Variants in RIPOR2 observed in about 807,000 individuals in gnomAD.
RIPOR2 encodes rho family-interacting cell polarization regulator 2.
RIPOR2 carries 39 observed loss-of-function variants against 114.5 expected under a neutral mutation model. The ratio of observed to expected loss-of-function variants is 0.34; its 90% confidence interval spans 0.26 to 0.44. The LOEUF is 0.44. Ranked by LOEUF, RIPOR2 falls within the 20% of genes least tolerant of loss-of-function variation. RIPOR2 has a pLI of 1.00. For missense variants in RIPOR2, 1,007 were observed against 1,255.1 expected, an observed-to-expected ratio of 0.80 and a Z score of 2.99; for synonymous variants, 445 against 484.4, an observed-to-expected ratio of 0.92 and a Z score of 1.07.
At position 24,830,444 on chromosome 6, in the gene RIPOR2, C is replaced by A. The variant is rs539406278; in HGVS notation, c.2506+65G>T. The A allele has an allele frequency of 8.0e-6, 11 of 1,375,822 alleles. No individual in the cohort carries two copies. The East Asian group carries it at 1.0e-4, about 13-fold the overall frequency. The allele number at this position is 1,375,822 out of a possible 1,614,324, so 85.2% of individuals were successfully genotyped here. On this transcript the variant is annotated intron_variant, in intron 17 of 21. Transcript: ENST00000643898. Reference sequence around the variant, plus strand: ...TGGTAGGAGGACCCCTCTCCCCCGACCCCCACCCCAATGCCCACTCTCACA... The same window carrying A: ...TGGTAGGAGGACCCCTCTCCCCCGAACCCCACCCCAATGCCCACTCTCACA...
At chr6:24,881,877 C>T (rs1479334763) in intron 1 of RIPOR2, among the ~76,000 whole-genome samples, 3 of 152,124 alleles carry the variant, frequency 2.0e-5, no homozygotes, top group Non-Finnish European at 4.4e-5. Context: ...AAAAAGAGAA[C>T]AAGGGATTTC....
At chr6:24,889,463 G>A (rs1203510286) in intron 1 of RIPOR2, among the ~76,000 whole-genome samples, 2 of 152,130 alleles carry the variant, frequency 1.3e-5, no homozygotes, top group Non-Finnish European at 2.9e-5. Context: ...CTATTGGAAT[G>A]ACCTGTTTAT....
intron 9 of RIPOR2, 87 bp downstream of exon 9, chr6:24,852,488 C>T: frequency 5.9e-6 from 6 of 1,019,672 alleles, no homozygotes; most frequent in Non-Finnish European, 9.0e-6. Flanking sequence ...AAAAAAAAGA[C>T]AACTTGAAAA....
intron 1 of RIPOR2, among the ~76,000 whole-genome samples, chr6:24,901,560 T>A (rs1421340404): frequency 6.6e-6 from 1 of 152,184 alleles, no homozygotes; most frequent in South Asian, 2.1e-4. Flanking sequence ...CATGGGAGCC[T>A]GAAAAGGGAG....
rs1561848668 is a variant in RIPOR2 at position 25,022,531 on chromosome 6, C to CTTTTTTTTTTTTTTTTTTTTTTTTTTTT, written c.76+19319_76+19320insAAAAAAAAAAAAAAAAAAAAAAAAAAAA. ...CACATATAACTAATGTGGTACCTTC[C>CTTTTTTTTTTTTTTTTTTTTTTTTTTTT]ATTTTTTTTTTTTTTTTTTTTTTTT... On this transcript the variant is annotated intron_variant, in intron 1 of 13. Coordinates refer to the RIPOR2 transcript ENST00000510784. Among the ~76,000 whole-genome samples, 16 of 64,504 alleles carry CTTTTTTTTTTTTTTTTTTTTTTTTTTTT rather than the reference C, an allele frequency of 2.5e-4. 3 individuals are homozygous for CTTTTTTTTTTTTTTTTTTTTTTTTTTTT. The highest frequency in any genetic ancestry group is 6.0e-4 in the South Asian group (1 of 1,678). The allele number at this position is 64,504 out of a possible 152,430, so 42.3% of individuals were successfully genotyped here.
chr6:24,811,657 C>CTTTTTTTTTT (rs1222503239), intron 20 of RIPOR2, among the ~76,000 whole-genome samples: 3 of 21,726 alleles, frequency 1.4e-4, no homozygotes, highest in African/African-American at 2.5e-4. Context: ...TCGTTTAGTA[C>CTTTTTTTTTT]TTTTTTTTTT....
chr6:24,872,017 T>G (rs1185402906), intron 4 of RIPOR2, among the ~76,000 whole-genome samples: 1 of 152,196 alleles, frequency 6.6e-6, no homozygotes, highest in Non-Finnish European at 1.5e-5. Context: ...CAGTATACAT[T>G]TGAGCACATT....
At chr6:24,847,979 T>G in intron 12 of RIPOR2, 46 bp downstream of exon 12, 1 of 1,612,186 alleles carries the variant, frequency 6.2e-7, no homozygotes, top group Non-Finnish European at 8.5e-7. Context: ...GTGCAAGCAC[T>G]GGCTCAGGTG....
At chr6:24,946,852 C>T (rs1446100068) in intron 1 of RIPOR2, among the ~76,000 whole-genome samples, 1 of 152,174 alleles carries the variant, frequency 6.6e-6, no homozygotes, top group Non-Finnish European at 1.5e-5. Flanking sequence ...AGGAATAAAA[C>T]AAGGATTTAG....
intron 1 of RIPOR2, among the ~76,000 whole-genome samples, chr6:25,038,181 A>G (rs1340594099): frequency 6.6e-6 from 1 of 152,264 alleles, no homozygotes; most frequent in Non-Finnish European, 1.5e-5. Flanking sequence ...ACAAATGAGC[A>G]AACAAAAAAC....
intron 1 of RIPOR2, among the ~76,000 whole-genome samples, chr6:24,905,201 A>G (rs1373126087): frequency 6.6e-6 from 1 of 152,168 alleles, no homozygotes; most frequent in Admixed American, 6.5e-5. Flanking sequence ...CTTAGAGAGC[A>G]TTTGGTTGGC....
intron 13 of RIPOR2, chr6:24,839,602 G>A: frequency 6.5e-7 from 1 of 1,537,734 alleles, no homozygotes; most frequent in East Asian, 2.5e-5. Flanking sequence ...CTCTACTTCT[G>A]TTTGAAATTT....
chr6:24,840,683 G>T, intron 13 of RIPOR2: 1 of 1,534,794 alleles, frequency 6.5e-7, no homozygotes, highest in Non-Finnish European at 8.7e-7. Flanking sequence ...ACGTCTTTCG[G>T]TCTTTTAAAT....
chr6:24,848,233 C>T (rs1038854092), intron 11 of RIPOR2, 79 bp from the exon 12 acceptor site: 1 of 1,430,738 alleles, frequency 7.0e-7, no homozygotes, highest in African/African-American at 1.4e-5. Context: ...AAGAGAGTAC[C>T]TCATTATATA....
chr6:24,856,473 G>A (rs1763483282), intron 8 of RIPOR2, among the ~76,000 whole-genome samples: 1 of 152,044 alleles, frequency 6.6e-6, no homozygotes, highest in Non-Finnish European at 1.5e-5. Context: ...TCTGCAAATT[G>A]GTCAGGCACG....
chr6:24,919,682 A>G (rs1431486967), intron 1 of RIPOR2, among the ~76,000 whole-genome samples: 4 of 152,212 alleles, frequency 2.6e-5, no homozygotes. Flanking sequence ...GCTAAGTCAC[A>G]ATGAGGATAA....
At chr6:25,004,583 A>G (rs559725963) in intron 1 of RIPOR2, among the ~76,000 whole-genome samples, 3 of 152,328 alleles carry the variant, frequency 2.0e-5, no homozygotes, top group South Asian at 4.1e-4. Flanking sequence ...TCAGGACTCA[A>G]GAAGCCAGGG....
intron 8 of RIPOR2, among the ~76,000 whole-genome samples, chr6:24,860,362 A>G (rs748152504): frequency 6.6e-6 from 1 of 152,232 alleles, no homozygotes; most frequent in Non-Finnish European, 1.5e-5. Flanking sequence ...GATTAAAGGA[A>G]ATCTAAAAGA....
intron 12 of RIPOR2, among the ~76,000 whole-genome samples, chr6:24,844,255 G>T (rs1475155205): frequency 2.6e-5 from 4 of 152,150 alleles, no homozygotes; most frequent in African/African-American, 7.2e-5. Flanking sequence ...AGACCTGGGT[G>T]GTGTCACAGG....
Sources: allele counts gnomAD v4.1 joint callset (sites outside exome capture counted in the v4.1 genomes callset), GRCh38; gene constraint gnomAD v4.1.1; transcripts MANE v1.5; gene names NCBI Gene and HGNC (gene_info 2026-07-23, HGNC 2026-07-21).